The following PRDM5 variants were observed in gnomAD, a reference collection of about 807,000 sequenced individuals.
PRDM5 encodes PR domain zinc finger protein 5.
In PRDM5, 56 loss-of-function variants were observed where a neutral mutation model predicts 81.2. That is an observed-to-expected ratio of 0.69 (90% CI 0.56 to 0.86). The LOEUF is 0.86. Among genes scored for constraint, PRDM5 ranks in the 40% least tolerant of loss-of-function variants. The probability of loss-of-function intolerance (pLI) is 0.00; values close to 1 mark genes in which losing one functional copy is unlikely to be tolerated. For synonymous variants in PRDM5, 267 were observed against 256.4 expected, an observed-to-expected ratio of 1.04 and a Z score of -0.39; for missense variants, 697 against 770.1, an observed-to-expected ratio of 0.91 and a Z score of 1.12.
Position 120,811,788 on chromosome 4 carries a change from G to T in PRDM5, c.866-339C>A, listed in dbSNP as rs180793554. Among the ~76,000 whole-genome samples the T allele has an allele frequency of 2.7e-3, 415 of 152,082 alleles. 2 individuals are homozygous for T. The highest frequency in any genetic ancestry group is 3.4e-3 in the Non-Finnish European group (234 of 67,918). On this transcript the variant is annotated intron_variant, in intron 7 of 15. Transcript: ENST00000264808. The stretch of plus-strand genomic sequence containing the variant: ...GGTGTTATGTATTTTTCGGGTACAT[G>T]TGATGTTTCAATATAGGCATGCAAT...
chr4:120,727,513 C>A (rs936696186), intron 14 of PRDM5, among the ~76,000 whole-genome samples: 5 of 152,180 alleles, frequency 3.3e-5, no homozygotes, highest in Admixed American at 2.6e-4. Context: ...AGACTTGGGT[C>A]AAGTCCAGTG....
At chr4:120,880,024 A>G (rs1398301700) in intron 2 of PRDM5, among the ~76,000 whole-genome samples, 1 of 152,140 alleles carries the variant, frequency 6.6e-6, no homozygotes, top group Non-Finnish European at 1.5e-5. Flanking sequence ...ATAGATCTCA[A>G]TAATAATGTA....
chr4:120,901,887 C>T (rs1241676034), intron 2 of PRDM5, among the ~76,000 whole-genome samples: 2 of 152,182 alleles, frequency 1.3e-5, no homozygotes, highest in Admixed American at 1.3e-4. Context: ...ACTGAACACC[C>T]ACTGCATCCA....
At chr4:120,858,822 T>C (rs1760211162) in intron 2 of PRDM5, among the ~76,000 whole-genome samples, 1 of 152,072 alleles carries the variant, frequency 6.6e-6, no homozygotes, top group African/African-American at 2.4e-5. Flanking sequence ...ATGAGAAAAA[T>C]AAAGTCACTT....
At chr4:120,758,660 A>T (rs1298884410) in intron 13 of PRDM5, among the ~76,000 whole-genome samples, 1 of 152,082 alleles carries the variant, frequency 6.6e-6, no homozygotes, top group Non-Finnish European at 1.5e-5. Flanking sequence ...TCAGACTTAC[A>T]GCCTCCAGAA....
chr4:120,771,166 A>T (rs1051978534), intron 13 of PRDM5, among the ~76,000 whole-genome samples: 2 of 152,212 alleles, frequency 1.3e-5, no homozygotes, highest in Admixed American at 1.3e-4. Flanking sequence ...GCCATTATAA[A>T]CAGTTTTTCA....
At chr4:120,791,193 T>C (rs1750525040) in intron 10 of PRDM5, among the ~76,000 whole-genome samples, 3 of 152,160 alleles carry the variant, frequency 2.0e-5, no homozygotes, top group African/African-American at 4.8e-5. Flanking sequence ...CTGAGATCTA[T>C]GCACAAAAAT....
chr4:120,808,507 T>A (rs575480946), intron 8 of PRDM5, among the ~76,000 whole-genome samples: 1 of 152,028 alleles, frequency 6.6e-6, no homozygotes, highest in African/African-American at 2.4e-5. Flanking sequence ...ACATAAAGGT[T>A]CTCCAAGTCC....
intron 3 of PRDM5, among the ~76,000 whole-genome samples, chr4:120,847,166 G>A (rs1758748298): frequency 1.3e-5 from 2 of 152,082 alleles, no homozygotes; most frequent in African/African-American, 4.8e-5. Context: ...CCTCTAGGAT[G>A]TCTCGACTTC....
At chr4:120,712,208 C>T (rs1737100824) in intron 14 of PRDM5, among the ~76,000 whole-genome samples, 1 of 152,142 alleles carries the variant, frequency 6.6e-6, no homozygotes, top group African/African-American at 2.4e-5. Context: ...ATCGCTTGAA[C>T]CCAGGAGGCG....
chr4:120,901,231 C>T (rs1442718560), intron 2 of PRDM5, among the ~76,000 whole-genome samples: 1 of 152,186 alleles, frequency 6.6e-6, no homozygotes, highest in East Asian at 1.9e-4. Flanking sequence ...ATCCCTCACC[C>T]TGTTCCCACC....
chr4:120,880,804 G>A (rs1013414991), intron 2 of PRDM5, among the ~76,000 whole-genome samples: 9 of 151,938 alleles, frequency 5.9e-5, no homozygotes, highest in Admixed American at 2.0e-4. Flanking sequence ...AAGCTGGTTC[G>A]TCTTTTTTTA....
At chr4:120,723,642 T>TA (rs1305287147) in intron 14 of PRDM5, among the ~76,000 whole-genome samples, 3 of 151,900 alleles carry the variant, frequency 2.0e-5, no homozygotes, top group South Asian at 4.2e-4. Context: ...ATAAGGGAAG[T>TA]AAATATGATA....
chr4:120,818,592 G>C, intron 4 of PRDM5, 65 bp from the exon 5 acceptor site: 3 of 1,403,124 alleles, frequency 2.1e-6, no homozygotes, highest in Non-Finnish European at 3.0e-6. Flanking sequence ...GCTCAGTTTT[G>C]CTCTCATTTT....
chr4:120,873,573 T>C (rs935581502), intron 2 of PRDM5, among the ~76,000 whole-genome samples: 1 of 152,222 alleles, frequency 6.6e-6, no homozygotes, highest in Non-Finnish European at 1.5e-5. Context: ...TTGTCAAACA[T>C]TTCACTCAAA....
intron 3 of PRDM5, among the ~76,000 whole-genome samples, chr4:120,825,102 A>C (rs186711272): frequency 1.3e-5 from 2 of 152,212 alleles, no homozygotes; most frequent in Non-Finnish European, 2.9e-5. Flanking sequence ...TCAAAGTCTC[A>C]CTCTAGATTG....
chr4:120,816,428 AAACGACCCTCC>A lies in PRDM5; in HGVS notation c.865+14_865+24del. ...GCCTGGGGAAAGGAAGCCCCTTCGG[AAACGACCCTCC>A]AACGACTCCTCACCAGTGTGGACAT... On this transcript the variant is annotated intron_variant, in intron 7 of 15. Coordinates refer to ENST00000264808, the MANE Select transcript of PRDM5 (RefSeq NM_018699.4). The A allele has an allele frequency of 6.2e-7, 1 of 1,614,164 alleles. No individual in the cohort carries two copies. Among genetic ancestry groups the A allele is most frequent in the Non-Finnish European group, 8.5e-7 (1 of 1,180,018 alleles).
intron 3 of PRDM5, among the ~76,000 whole-genome samples, chr4:120,821,647 T>C (rs1302416246): frequency 6.6e-6 from 1 of 151,892 alleles, no homozygotes; most frequent in Admixed American, 6.6e-5. Flanking sequence ...TGGTGGCCTA[T>C]AAATGTAGTT....
rs145914373 is a variant in PRDM5, at chr4:120,804,396, C to T, written c.946-4651G>A. ...CTCCACCCCAAATCAACAGAACATA[C>T]ATTCTTCTCAGCACCACATTGCACT... is the stretch of plus-strand genomic sequence containing the variant. On this transcript the variant is annotated intron_variant, in intron 8 of 15. Transcript: ENST00000264808. Among the ~76,000 whole-genome samples, 471 of 152,342 alleles carry T rather than the reference C, an allele frequency of 3.1e-3. 3 individuals are homozygous for T. The highest frequency in any genetic ancestry group is 0.011 in the African/African-American group (464 of 41,576).
Sources: gnomAD v4.1 joint callset for allele counts (sites outside exome capture counted in the v4.1 genomes callset) on GRCh38, gnomAD v4.1.1 for gene constraint, MANE v1.5 for transcripts, NCBI Gene and HGNC (gene_info 2026-07-23, HGNC 2026-07-21) for gene names.